NFAT5: variants seen among roughly 807,000 people sequenced by gnomAD.
NFAT5 encodes nuclear factor of activated T cells 5.
NFAT5 carries 31 observed loss-of-function variants against 166.5 expected under a neutral mutation model. The ratio of observed to expected loss-of-function variants is 0.19; its 90% CI spans 0.14 to 0.25. The LOEUF (loss-of-function observed/expected upper bound fraction) is 0.25, where lower values mean the gene tolerates loss of function less well. NFAT5 is among the 10% of genes least tolerant of loss of function. The pLI is 1.00. For missense variants in NFAT5, 1,449 were observed against 1,821.8 expected, an observed-to-expected ratio of 0.80 and a Z score of 3.72; for synonymous variants, 612 against 639.7, an observed-to-expected ratio of 0.96 and a Z score of 0.65.
At chr16:69,678,887 T>A (rs1047618806) in intron 10 of NFAT5, among the ~76,000 whole-genome samples, 3 of 152,204 alleles carry the variant, frequency 2.0e-5, no homozygotes, top group African/African-American at 7.2e-5. Flanking sequence ...TAACAACTAA[T>A]TTAAGTTAAT....
chr16:69,636,628 T>C (rs2034979789), intron 3 of NFAT5, among the ~76,000 whole-genome samples: 1 of 152,184 alleles, frequency 6.6e-6, no homozygotes, highest in South Asian at 2.1e-4. Context: ...CTGCCAAGGT[T>C]TGGGGCTTCC....
At chr16:69,594,456 C>G (rs919817402) in intron 2 of NFAT5, among the ~76,000 whole-genome samples, 3 of 152,070 alleles carry the variant, frequency 2.0e-5, no homozygotes, top group African/African-American at 7.2e-5. Flanking sequence ...CTTTATGTAT[C>G]TTTTATATGG....
chr16:69,596,842 CCTAATTGAGCTTA>C (rs1315432674), intron 2 of NFAT5, among the ~76,000 whole-genome samples: 1 of 151,774 alleles, frequency 6.6e-6, no homozygotes, highest in African/African-American at 2.4e-5. Flanking sequence ...TGATTTCTTC[CCTAATTGAGCTTA>C]CTTCATAGTT....
chr16:69,570,052 G>T (rs554071040), intron 2 of NFAT5, among the ~76,000 whole-genome samples: 86 of 151,960 alleles, frequency 5.7e-4, no homozygotes, highest in Non-Finnish European at 1.1e-3. Context: ...AAGACATGAA[G>T]AAAAAAATGA....
At chr16:69,641,752 A>G (rs57306314) in intron 3 of NFAT5, among the ~76,000 whole-genome samples, 26 of 152,310 alleles carry the variant, frequency 1.7e-4, no homozygotes, top group African/African-American at 6.3e-4. Context: ...AATACAGTTT[A>G]AGCAAGGAGT....
chr16:69,667,978 T>A (rs1006269674), intron 7 of NFAT5, among the ~76,000 whole-genome samples: 1 of 152,166 alleles, frequency 6.6e-6, no homozygotes, highest in Admixed American at 6.6e-5. Context: ...TGTTTGTTTC[T>A]TTTTTTAGAC....
chr16:69,658,082 C>CA (rs537709479), intron 6 of NFAT5, among the ~76,000 whole-genome samples: 1,554 of 123,474 alleles, frequency 0.013, 16 homozygotes, highest in Non-Finnish European at 0.017. Context: ...AGACTTGTCT[C>CA]AAAAAAAAAA....
chr16:69,672,098 C>G (rs534186942), intron 9 of NFAT5, among the ~76,000 whole-genome samples: 1 of 152,324 alleles, frequency 6.6e-6, no homozygotes, highest in South Asian at 2.1e-4. Context: ...AGAACTCTCT[C>G]TGGGTAAAGT....
intron 2 of NFAT5, among the ~76,000 whole-genome samples, chr16:69,585,244 CA>C (rs1381991925): frequency 6.6e-6 from 1 of 151,774 alleles, no homozygotes; most frequent in African/African-American, 2.4e-5. Context: ...CCCCTGACCT[CA>C]TGATCCACCT....
intron 2 of NFAT5, among the ~76,000 whole-genome samples, chr16:69,622,578 G>A (rs975373617): frequency 6.6e-6 from 1 of 152,046 alleles, no homozygotes; most frequent in African/African-American, 2.4e-5. Context: ...CTAGTGGAGA[G>A]GTATGATACC....
intron 6 of NFAT5, among the ~76,000 whole-genome samples, chr16:69,656,282 CA>C (rs1230748739): frequency 0.099 from 5,826 of 58,942 alleles, 161 homozygotes; most frequent in African/African-American, 0.25. Context: ...CTCTGTCTCA[CA>C]AAAAAAAAAA....
intron 3 of NFAT5, among the ~76,000 whole-genome samples, chr16:69,641,008 G>A (rs1355029884): frequency 8.7e-5 from 13 of 149,842 alleles, no homozygotes; most frequent in African/African-American, 3.2e-4. Flanking sequence ...GGCCGGGCAC[G>A]GTGGCTCACA....
chr16:69,674,516 CAG>C (rs1251349446), intron 9 of NFAT5, among the ~76,000 whole-genome samples: 1 of 151,688 alleles, frequency 6.6e-6, no homozygotes, highest in African/African-American at 2.4e-5. Flanking sequence ...AAGGATAGCT[CAG>C]GGGAAGATGG....
rs200580359 is a variant in NFAT5 at position 69,647,146 on chromosome 16, G to C, written c.372G>C (p.Glu124Asp). The C allele has an allele frequency of 8.1e-6, 13 of 1,614,012 alleles. No individual in the cohort carries two copies. In the Middle Eastern group the frequency reaches 4.9e-4, roughly 61 times the overall value. The change falls in exon 4 of 15, where the codon GAG becomes GAC. Residue 124 changes from glutamate (E) to aspartate (D), a missense_variant. By Grantham distance (45) the Glu-to-Asp change is conservative. Transcript: ENST00000349945. The surrounding 1 kb of genome is among the most constrained non-coding windows in gnomAD (Gnocchi z 4.8). ...SVTDSKAMQV[E>D]SCSSAVGVSN... ...CCGACAGCAAGGCTATGCAAGTGGA[G>C]AGCTGCTCCTCAGCCGTGGGGGTAA...
Position 69,616,583 on chromosome 16 carries a change from G to A in NFAT5, c.128-9820G>A, listed in dbSNP as rs373210985. Reference sequence around the variant, plus strand: ...CCCTAGGCAGACCCCCTGTGCATCAGCCTTCTTTCTTGCGTGGATGCTGTC... The same window carrying A: ...CCCTAGGCAGACCCCCTGTGCATCAACCTTCTTTCTTGCGTGGATGCTGTC... On this transcript the variant is annotated intron_variant, in intron 2 of 14. Coordinates refer to ENST00000349945, the MANE Select transcript of NFAT5 (RefSeq NM_138713.4). Among the ~76,000 whole-genome samples the A allele has an allele frequency of 2.0e-5, 3 of 152,144 alleles. No individual in the cohort carries two copies. The East Asian group carries it at 5.8e-4, about 29-fold the overall frequency.
At chr16:69,658,071 G>A (rs1441058788) in intron 6 of NFAT5, among the ~76,000 whole-genome samples, 4 of 148,886 alleles carry the variant, frequency 2.7e-5, no homozygotes, top group South Asian at 2.1e-4. Flanking sequence ...GCGACAGGGC[G>A]AGACTTGTCT....
chr16:69,651,860 C>T (rs907913006), intron 4 of NFAT5, among the ~76,000 whole-genome samples: 4 of 151,780 alleles, frequency 2.6e-5, no homozygotes, highest in African/African-American at 4.8e-5. Context: ...TTAGTAGAGA[C>T]GGGGTTTCAC....
intron 2 of NFAT5, among the ~76,000 whole-genome samples, chr16:69,597,738 C>T (rs1045922673): frequency 6.6e-6 from 1 of 151,880 alleles, no homozygotes; most frequent in Admixed American, 6.6e-5. Flanking sequence ...ACTACAGGCG[C>T]CCACCACCGC....
intron 9 of NFAT5, among the ~76,000 whole-genome samples, chr16:69,674,143 T>C (rs1281846716): frequency 6.7e-6 from 1 of 149,392 alleles, no homozygotes; most frequent in Non-Finnish European, 1.5e-5. Flanking sequence ...CTTAGGAGGC[T>C]GAGGCAAGAA....
Sources: gnomAD v4.1 joint callset for allele counts (sites outside exome capture counted in the v4.1 genomes callset) on GRCh38, gnomAD v4.1.1 for gene constraint, Gnocchi (gnomAD v3.1) non-coding constraint, MANE v1.5 for transcripts, NCBI Gene and HGNC (gene_info 2026-07-23, HGNC 2026-07-21) for gene names.